RYR3: variants seen among roughly 807,000 people sequenced by gnomAD.
RYR3 encodes ryanodine receptor 3, also known as brain ryanodine receptor-calcium release channel.
Under a neutral mutation model 584.3 loss-of-function variants are expected in RYR3, and 207 were observed. The observed-to-expected ratio is 0.35, with a 90% CI of 0.32 to 0.40. The LOEUF (loss-of-function observed/expected upper bound fraction) is 0.40. RYR3 is among the 10% of genes least tolerant of loss of function. The pLI, the probability that RYR3 is intolerant of heterozygous loss-of-function variation, is 1.00. For synonymous variants in RYR3, 2,416 were observed against 2,248.5 expected, an observed-to-expected ratio of 1.07 and a Z score of -2.11; for missense variants, 5,616 against 6,089.2, an observed-to-expected ratio of 0.92 and a Z score of 2.59.
At chr15:33,860,086 C>T (rs1226058323) in intron 100 of RYR3, among the ~76,000 whole-genome samples, 1 of 151,684 alleles carries the variant, frequency 6.6e-6, no homozygotes, top group Middle Eastern at 3.4e-3. Flanking sequence ...AGGAGCTGGA[C>T]AGTGCAGGGG....
intron 28 of RYR3, among the ~76,000 whole-genome samples, 186 bp downstream of exon 28, chr15:33,644,705 C>A (rs1404993996): frequency 6.6e-6 from 1 of 152,234 alleles, no homozygotes; most frequent in Admixed American, 6.5e-5. Context: ...TCAGTGGCAT[C>A]TTACGAGAGG....
rs541878666 is a variant in RYR3, at chr15:33,675,665, A to G, written c.5860+5109A>G. On this transcript the variant is annotated intron_variant, in intron 38 of 103. Transcript: ENST00000634891. ...GACATGGCATATACATACTTACCTC[A>G]TTGGGTTGATATAAGCATTACATTA... Among the ~76,000 whole-genome samples the G allele has an allele frequency of 1.5e-4, 23 of 152,220 alleles. No homozygotes were observed. In the South Asian group the frequency reaches 2.7e-3, roughly 18 times the overall value.
rs376325593 is a variant in RYR3 at position 33,505,040 on chromosome 15, G to A, written c.279+1302G>A. On this transcript the variant is annotated intron_variant, in intron 3 of 103. Coordinates refer to ENST00000634891, the MANE Select transcript of RYR3 (RefSeq NM_001036.6). ...TTGCAAGTCTTTTTTCTTCGCTACT[G>A]GAGAGTACACTGTCTGTGGGTAGAA... Among the ~76,000 whole-genome samples, 135 of 152,300 alleles carry A rather than the reference G, an allele frequency of 8.9e-4. 4 individuals are homozygous for A. The South Asian group carries it at 0.027, about 30-fold the overall frequency.
At position 33,771,946 on chromosome 15, in the gene RYR3, T is replaced by C. The variant is rs372756613; in HGVS notation, c.8843T>C (p.Leu2948Pro). Reference protein sequence around the residue: ...TRTVMKSGSELVKAGLRAFFE... With the variant: ...TRTVMKSGSEPVKAGLRAFFE... The stretch of plus-strand genomic sequence containing the variant: ...ACTGTCATGAAGTCAGGCTCAGAGC[T>C]GGTGAAGGCTGGGTTACGAGCATTC... Residue 2948 changes from leucine (L) to proline (P), a missense_variant, in exon 63 of 104, where the codon CTG (leucine) becomes CCG (proline). Leu to Pro is a moderately conservative substitution (Grantham distance 98). Coordinates refer to ENST00000634891, the MANE Select transcript of RYR3 (RefSeq NM_001036.6). 26 of 1,612,632 alleles carry C rather than the reference T, an allele frequency of 1.6e-5. No homozygotes were observed. Among genetic ancestry groups the C allele is most frequent in the African/African-American group, 6.7e-5 (5 of 74,934 alleles).
chr15:33,775,535 G>A (rs978831510), intron 64 of RYR3, among the ~76,000 whole-genome samples: 2 of 152,138 alleles, frequency 1.3e-5, no homozygotes, highest in African/African-American at 4.8e-5. Context: ...CCAGGTGAGA[G>A]GTTGGTGAAA....
intron 85 of RYR3, 181 bp from the exon 86 acceptor site, chr15:33,830,782 T>A: frequency 3.9e-6 from 2 of 514,904 alleles, no homozygotes; most frequent in South Asian, 6.9e-5. Flanking sequence ...TCTGCAGGGA[T>A]ATTTGTGCAT....
At chr15:33,781,806 G>A (rs375192549) in intron 65 of RYR3, among the ~76,000 whole-genome samples, 12 of 137,662 alleles carry the variant, frequency 8.7e-5, no homozygotes, top group African/African-American at 1.1e-4. Context: ...TTCCTCAACC[G>A]CTTCAGCCTC....
intron 89 of RYR3, 117 bp from the exon 90 acceptor site, chr15:33,840,708 C>A: frequency 3.6e-6 from 3 of 838,144 alleles, no homozygotes; most frequent in South Asian, 1.5e-5. Context: ...CTGAGAGAAG[C>A]AGAAACATGA....
rs960562317 is a variant in RYR3 at position 33,769,098 on chromosome 15, T to G, written c.8756-14T>G. The stretch of plus-strand genomic sequence containing the variant: ...GTGGTTTGAGGGAATCACAGATGAT[T>G]TTTTTTATTCCAGGTAGTGATTCTA... On this transcript the variant is annotated splice_polypyrimidine_tract_variant and intron_variant, in intron 61 of 103. Transcript: ENST00000634891. The G allele has an allele frequency of 4.4e-6, 7 of 1,606,184 alleles. No homozygotes were observed. The Admixed American group carries it at 6.7e-5, about 15-fold the overall frequency.
intron 1 of RYR3, among the ~76,000 whole-genome samples, chr15:33,384,364 T>G (rs114155133): frequency 0.012 from 1,865 of 151,648 alleles, 38 homozygotes; most frequent in African/African-American, 0.043. Context: ...AAAAATTCCT[T>G]GGCTCCTCTG....
At chr15:33,637,365 C>T (rs748447301) in intron 27 of RYR3, among the ~76,000 whole-genome samples, 1 of 152,204 alleles carries the variant, frequency 6.6e-6, no homozygotes, top group Non-Finnish European at 1.5e-5. Context: ...ATATAAAATT[C>T]AACGGCAGTG....
chr15:33,530,651 C>T lies in RYR3; in HGVS notation c.339C>T (p.His113=), dbSNP rs371821413. ...LLYGHAVLLR[H]SFSGMYLTCL... ...ACGGCCATGCAGTTCTCCTGAGGCA[C>T]TCTTTCAGCGGAATGGTAAGCAGCT... Residue 113 remains histidine, a synonymous_variant, in exon 4 of 104, where the codon CAC becomes CAT. Coordinates refer to ENST00000634891, the MANE Select transcript of RYR3 (RefSeq NM_001036.6). 1.2e-6 allele frequency: 2 copies of T among 1,613,164 alleles called. No individual in the cohort carries two copies. Among genetic ancestry groups the T allele is most frequent in the African/African-American group, 1.3e-5 (1 of 74,894 alleles).
intron 45 of RYR3, among the ~76,000 whole-genome samples, chr15:33,725,974 C>CGCCCG (rs2068391095): frequency 5.3e-5 from 2 of 37,622 alleles, no homozygotes; most frequent in Admixed American, 4.0e-4. Context: ...CATCCCCCCC[C>CGCCCG]CCAAAAAAAA....
chr15:33,855,379 T>C (rs2079545781), intron 98 of RYR3, among the ~76,000 whole-genome samples: 1 of 152,208 alleles, frequency 6.6e-6, no homozygotes, highest in South Asian at 2.1e-4. Flanking sequence ...AATTTTTGTA[T>C]TTTTAGTAGA....
At chr15:33,423,369 T>C (rs2044372788) in intron 1 of RYR3, among the ~76,000 whole-genome samples, 1 of 152,240 alleles carries the variant, frequency 6.6e-6, no homozygotes, top group Non-Finnish European at 1.5e-5. Flanking sequence ...AATTCAATTG[T>C]ATGTATAGAC....
chr15:33,445,352 A>T (rs2046547346), intron 1 of RYR3, among the ~76,000 whole-genome samples: 1 of 152,146 alleles, frequency 6.6e-6, no homozygotes, highest in Non-Finnish European at 1.5e-5. Context: ...TGAGGTTTGA[A>T]CAACTGGGCG....
intron 38 of RYR3, among the ~76,000 whole-genome samples, chr15:33,671,815 T>C (rs893058501): frequency 1.2e-4 from 16 of 138,042 alleles, no homozygotes; most frequent in African/African-American, 3.7e-4. Context: ...CTTTTTTTTT[T>C]TTTTTTTTTT....
intron 18 of RYR3, among the ~76,000 whole-genome samples, chr15:33,612,903 T>G (rs1287491007): frequency 6.6e-6 from 1 of 152,226 alleles, no homozygotes; most frequent in Non-Finnish European, 1.5e-5. Context: ...ACATTAAGTT[T>G]TTGTTATTTC....
In RYR3 at chr15:33,613,285, G is replaced by A. The variant is rs763983563; in HGVS notation, c.2267G>A (p.Arg756His). ...CTCGGGGTGCCCAGCATCTCATTCC[G>A]CATCAATGGGCAGCCCGTGCAGGGG... ...LDLGVPSISFRINGQPVQGMF... is the reference protein window; with the variant it reads ...LDLGVPSISFHINGQPVQGMF... Residue 756 changes from arginine (R) to histidine (H), a missense_variant, in exon 19 of 104, where the codon CGC becomes CAC. Physicochemically the swap from Arg to His is conservative, Grantham distance 29. Coordinates refer to ENST00000634891, the MANE Select transcript of RYR3 (RefSeq NM_001036.6). 5 of 1,613,936 alleles carry A rather than the reference G, an allele frequency of 3.1e-6. No individual in the cohort carries two copies. Among genetic ancestry groups the A allele is most frequent in the South Asian group, 2.2e-5 (2 of 91,078 alleles).
Sources: gnomAD v4.1 joint callset for allele counts (sites outside exome capture counted in the v4.1 genomes callset) on GRCh38, gnomAD v4.1.1 for gene constraint, MANE v1.5 for transcripts, NCBI Gene and HGNC (gene_info 2026-07-23, HGNC 2026-07-21) for gene names.